Variants in KCNA6 observed in about 807,000 individuals in gnomAD.
KCNA6 encodes potassium voltage-gated channel subfamily A member 6, also known as human brain potassium channel-2.
In KCNA6, 17 loss-of-function variants were observed where a neutral mutation model predicts 29.5. The ratio of observed to expected loss-of-function variants is 0.58; its 90% CI spans 0.39 to 0.86. The LOEUF (loss-of-function observed/expected upper bound fraction) is 0.86. KCNA6 is among the 40% of genes least tolerant of loss of function. The pLI, the probability that KCNA6 is intolerant of heterozygous loss-of-function variation, is 0.00. For missense variants in KCNA6, 450 were observed against 703.4 expected (o/e 0.64, Z 4.07); for synonymous variants, 296 against 304.7 (o/e 0.97, Z 0.30).
the KCNA6 span, among the ~76,000 whole-genome samples, chr12:4,835,680 C>T: frequency 3.3e-5 from 5 of 152,124 alleles, no homozygotes; most frequent in Non-Finnish European, 7.4e-5. Context: ...TTAGGAAACT[C>T]TCTCCCACCT....
At chr12:4,832,719 T>G in the KCNA6 span, among the ~76,000 whole-genome samples, 1 of 152,202 alleles carries the variant, frequency 6.6e-6, no homozygotes, top group African/African-American at 2.4e-5. Context: ...GAGAGGGTCC[T>G]GCCTCTCTCA....
chr12:4,810,255 C>G lies in KCNA6; in HGVS notation c.214C>G (p.Arg72Gly), dbSNP rs866218754. ...GGACACGCTGCTCGGAGACCCTGGC[C>G]GGCGAGTCCGCTTCTTCGACCCCCT... Residue 72 changes from arginine to glycine, a missense_variant, in exon 1 of 1, where the codon CGG becomes GGG. By Grantham distance (125) the Arg-to-Gly change is moderately radical. Around this residue, in one of 7 missense-constraint regions of KCNA6, gnomAD observed 133 missense variants for 217.5 expected, o/e 0.61. Coordinates refer to ENST00000280684, the Ensembl canonical transcript of KCNA6. This position sits in a 1 kb window ranked among gnomAD's most constrained non-coding sequence, Gnocchi z 7.5. The G allele has an allele frequency of 6.2e-7, 1 of 1,613,960 alleles. No homozygotes were observed. Among genetic ancestry groups the G allele is most frequent in the Non-Finnish European group, 8.5e-7 (1 of 1,180,028 alleles).
downstream of KCNA6, chr12:4,814,832 A>G (rs575697537): frequency 6.0e-6 from 1 of 167,234 alleles, no homozygotes; most frequent in South Asian, 2.1e-4. This position sits in a 1 kb window ranked among gnomAD's most constrained non-coding sequence, Gnocchi z 4.6. Flanking sequence ...TCCTGCAGGC[A>G]AAATTAGAAC....
chr12:4,821,856 G>A, the KCNA6 span, among the ~76,000 whole-genome samples: 1 of 151,804 alleles, frequency 6.6e-6, no homozygotes. Context: ...TTTTTTTTTA[G>A]ATGGAGTTTC....
downstream of KCNA6, among the ~76,000 whole-genome samples, chr12:4,815,631 G>GA (rs1946674494): frequency 6.6e-6 from 1 of 152,132 alleles, no homozygotes; most frequent in Admixed American, 6.5e-5. Flanking sequence ...AGTTAGCCTG[G>GA]AAAAAGCCTT....
chr12:4,837,735 T>A, the KCNA6 span, among the ~76,000 whole-genome samples: 1 of 152,018 alleles, frequency 6.6e-6, no homozygotes, highest in Non-Finnish European at 1.5e-5. Context: ...AGTATTATTG[T>A]TTTAATGTCC....
chr12:4,813,427 C>T (rs1044674185), downstream of KCNA6: 1 of 167,114 alleles, frequency 6.0e-6, no homozygotes, highest in African/African-American at 2.4e-5. Flanking sequence ...CCCCATACCC[C>T]CATAGGCAAG....
At chr12:4,814,512 A>T (rs985128005), downstream of KCNA6, 3 of 167,206 alleles carry the variant, frequency 1.8e-5, no homozygotes, top group African/African-American at 7.2e-5. This position sits in a 1 kb window ranked among gnomAD's most constrained non-coding sequence, Gnocchi z 4.6. Context: ...AGCTCGACCT[A>T]GTTTCTGTGA....
the KCNA6 span, among the ~76,000 whole-genome samples, chr12:4,820,591 AC>A: frequency 6.9e-6 from 1 of 144,622 alleles, no homozygotes; most frequent in South Asian, 2.2e-4. Flanking sequence ...ACACACACAC[AC>A]TCTTAAAAAT....
At chr12:4,850,920 C>T in the KCNA6 span, 1 of 417,036 alleles carries the variant, frequency 2.4e-6, no homozygotes, top group South Asian at 1.7e-5. The surrounding 1 kb of genome is among the most constrained non-coding windows in gnomAD (Gnocchi z 5.4). Flanking sequence ...GAGACCAGAC[C>T]CGTTGTCCCT....
the KCNA6 span, among the ~76,000 whole-genome samples, chr12:4,826,276 C>G: frequency 6.6e-6 from 1 of 152,168 alleles, no homozygotes; most frequent in Non-Finnish European, 1.5e-5. Flanking sequence ...GCTCTTACCT[C>G]TGACCCTCCT....
chr12:4,838,030 C>G, the KCNA6 span, among the ~76,000 whole-genome samples: 2 of 152,106 alleles, frequency 1.3e-5, no homozygotes, highest in African/African-American at 4.8e-5. Flanking sequence ...AGCACACCCA[C>G]TAAGAGGGCA....
the KCNA6 span, among the ~76,000 whole-genome samples, chr12:4,844,295 T>C: frequency 6.6e-6 from 1 of 152,284 alleles, no homozygotes; most frequent in South Asian, 2.1e-4. The surrounding 1 kb of genome is among the most constrained non-coding windows in gnomAD (Gnocchi z 4.0). Flanking sequence ...AACCATCTCA[T>C]TATAATGAGG....
At chr12:4,837,440 A>C in the KCNA6 span, among the ~76,000 whole-genome samples, 1 of 152,102 alleles carries the variant, frequency 6.6e-6, no homozygotes, top group East Asian at 1.9e-4. Flanking sequence ...AGGCAAAACA[A>C]CCTGGGGCTT....
At chr12:4,809,602 C>A (rs1444646158) in exon 1 of KCNA6, 1 of 160,140 alleles carries the variant, frequency 6.2e-6, no homozygotes, top group Admixed American at 6.5e-5. Context: ...TCGGTACCAG[C>A]GGCAGCCGGG....
chr12:4,821,359 C>T, the KCNA6 span, among the ~76,000 whole-genome samples: 10 of 152,034 alleles, frequency 6.6e-5, no homozygotes, highest in African/African-American at 1.4e-4. Flanking sequence ...GGAGAGCATA[C>T]GTGTGCACAC....
the KCNA6 span, among the ~76,000 whole-genome samples, chr12:4,821,921 C>T: frequency 2.0e-5 from 3 of 152,142 alleles, no homozygotes; most frequent in Non-Finnish European, 4.4e-5. Context: ...ACCGCAACCT[C>T]TGCCTCCCAG....
the KCNA6 span, among the ~76,000 whole-genome samples, chr12:4,828,503 C>G: frequency 5.3e-5 from 8 of 152,314 alleles, 1 homozygote; most frequent in South Asian, 4.1e-4. Flanking sequence ...CTAAAAGAGT[C>G]AAGAGATGTA....
the KCNA6 span, among the ~76,000 whole-genome samples, chr12:4,825,879 A>G: frequency 6.6e-6 from 1 of 151,424 alleles, no homozygotes; most frequent in African/African-American, 2.4e-5. Context: ...GTAACAGCCA[A>G]TTCCTATGCA....
Sources: gnomAD v4.1 joint callset for allele counts (sites outside exome capture counted in the v4.1 genomes callset) on GRCh38, gnomAD v4.1.1 for gene constraint, gnomAD v4.1.1 regional missense constraint, Gnocchi (gnomAD v3.1) non-coding constraint, MANE v1.5 for transcripts, NCBI Gene and HGNC (gene_info 2026-07-23, HGNC 2026-07-21) for gene names.